The following L2HGDH variants were observed in gnomAD, a reference collection of about 807,000 sequenced individuals.
The protein encoded by L2HGDH is L-2-hydroxyglutarate dehydrogenase.
L2HGDH carries 34 observed loss-of-function variants against 51.5 expected under a neutral mutation model. The observed-to-expected ratio is 0.66, with a 90% CI of 0.50 to 0.88. The LOEUF is 0.88. Among genes scored for constraint, L2HGDH ranks in the 40% least tolerant of loss-of-function variants. L2HGDH has a pLI of 0.00. For synonymous variants in L2HGDH, 198 were observed against 197.9 expected (o/e 1.00, Z -0.01); for missense variants, 558 against 571.9 (o/e 0.98, Z 0.25).
chr14:50,289,822 T>C (rs531686956), intron 4 of L2HGDH, among the ~76,000 whole-genome samples: 51 of 152,308 alleles, frequency 3.3e-4, no homozygotes, highest in Admixed American at 2.5e-3. Flanking sequence ...TCAATGTTAA[T>C]AGCCATTAAA....
rs1335386399 is a variant in L2HGDH at position 50,295,821 on chromosome 14, C to T, written c.409-1575G>A. Reference sequence around the variant, plus strand: ...TGGCAGGATCTCGTCTCACTGCAACCTCTGCGTCCCAGGTTCAAACGATTC... The same window carrying T: ...TGGCAGGATCTCGTCTCACTGCAACTTCTGCGTCCCAGGTTCAAACGATTC... On this transcript the variant is annotated intron_variant, in intron 3 of 9. Transcript: ENST00000267436. Among the ~76,000 whole-genome samples, 6 of 150,992 alleles carry T rather than the reference C, an allele frequency of 4.0e-5. 1 individual carries two copies. The highest frequency in any genetic ancestry group is 3.3e-4 in the Admixed American group (5 of 15,140).
chr14:50,261,920 A>G (rs1374784174), intron 9 of L2HGDH, among the ~76,000 whole-genome samples: 1 of 152,210 alleles, frequency 6.6e-6, no homozygotes, highest in African/African-American at 2.4e-5. Flanking sequence ...GCTCTGGCTA[A>G]GCAATGAGAA....
chr14:50,302,260 A>C, intron 2 of L2HGDH, 92 bp from the exon 3 acceptor site: 1 of 1,315,972 alleles, frequency 7.6e-7, no homozygotes, highest in Non-Finnish European at 1.1e-6. Context: ...AAGCTATTAG[A>C]GACCACATCA....
At position 50,284,155 on chromosome 14, in the gene L2HGDH, C is replaced by T. The variant is rs534058693; in HGVS notation, c.541-122G>A. ...AGTTGATTTTGCCAAGCTTTTCTTG[C>T]TGCTACAATGAGTTTTTCTTTTCCA... On this transcript the variant is annotated intron_variant, in intron 4 of 9. Coordinates refer to ENST00000267436, the MANE Select transcript of L2HGDH (RefSeq NM_024884.3). The T allele has an allele frequency of 1.5e-5, 13 of 842,144 alleles. No individual in the cohort carries two copies. In the East Asian group the frequency reaches 1.9e-4, roughly 12 times the overall value. The allele number at this position is 842,144 out of a possible 1,614,324, so 52.2% of individuals were successfully genotyped here. A position where few individuals can be genotyped will look rare whatever the true frequency, so the allele number is the denominator to read the frequency against.
chr14:50,248,846 T>C (rs7155191), intron 9 of L2HGDH, among the ~76,000 whole-genome samples: 48,657 of 152,006 alleles, frequency 0.32, 8,099 homozygotes, highest in Admixed American at 0.43. Flanking sequence ...AAAAATCAGG[T>C]GAGCAATCAC....
At chr14:50,306,122 C>T (rs1215142429) in intron 1 of L2HGDH, among the ~76,000 whole-genome samples, 1 of 151,202 alleles carries the variant, frequency 6.6e-6, no homozygotes, top group East Asian at 1.9e-4. Flanking sequence ...ATAATCTCGG[C>T]TCACTGCAAC....
At chr14:50,286,040 T>C (rs75473886) in intron 4 of L2HGDH, among the ~76,000 whole-genome samples, 2,399 of 152,274 alleles carry the variant, frequency 0.016, 65 homozygotes, top group African/African-American at 0.055. Flanking sequence ...ACAGGCTGGC[T>C]GTGTCTGTCA....
At chr14:50,268,187 T>C (rs1262886241) in intron 7 of L2HGDH, among the ~76,000 whole-genome samples, 1 of 152,104 alleles carries the variant, frequency 6.6e-6, no homozygotes, top group African/African-American at 2.4e-5. Context: ...AAAACCAGCC[T>C]GGCCAACATG....
At chr14:50,293,689 A>T (rs2029878912) in intron 4 of L2HGDH, among the ~76,000 whole-genome samples, 1 of 152,190 alleles carries the variant, frequency 6.6e-6, no homozygotes, top group African/African-American at 2.4e-5. Flanking sequence ...ATCAGACACT[A>T]CAGCTGCCCT....
rs992996260 is a variant in L2HGDH at position 50,245,108 on chromosome 14, G to C, written c.*1950C>G. The stretch of plus-strand genomic sequence containing the variant: ...TGAGGTGAATGTAAGGCACTTTCGC[G>C]GTTTACAAAAGTGAATGCCTCAAAG... On this transcript the variant is annotated 3_prime_UTR_variant, in exon 10 of 10. Transcript: ENST00000267436. The C allele has an allele frequency of 1.5e-5, 15 of 985,606 alleles. No homozygotes were observed. The highest frequency in any genetic ancestry group is 1.7e-5 in the Non-Finnish European group (14 of 829,874). 61.1% of individuals were successfully genotyped at this position (985,606 alleles called of 1,614,324 possible).
At chr14:50,274,867 A>G (rs1036208696) in intron 6 of L2HGDH, among the ~76,000 whole-genome samples, 3 of 151,846 alleles carry the variant, frequency 2.0e-5, no homozygotes, top group African/African-American at 7.3e-5. Flanking sequence ...AATAAGCCAG[A>G]CAGTGAAAGA....
chr14:50,243,440 G>A lies in L2HGDH; in HGVS notation c.*3618C>T. ...CATAAAAAAATTTATTTGCATAAAA[G>A]TTTTTATGGAACTAAAAAATATGTT... On this transcript the variant is annotated 3_prime_UTR_variant, in exon 10 of 10. Coordinates refer to ENST00000267436, the MANE Select transcript of L2HGDH (RefSeq NM_024884.3). 1.1e-6 allele frequency: 1 copy of A among 912,514 alleles called. No individual in the cohort carries two copies. The highest frequency in any genetic ancestry group is 1.3e-6 in the Non-Finnish European group (1 of 763,972). 56.5% of individuals were successfully genotyped at this position (912,514 alleles called of 1,614,324 possible).
At chr14:50,276,341 T>C (rs1205821974) in intron 6 of L2HGDH, among the ~76,000 whole-genome samples, 2 of 152,220 alleles carry the variant, frequency 1.3e-5, no homozygotes, top group Admixed American at 1.3e-4. Flanking sequence ...TATGGCCACA[T>C]GACTAGTCAC....
chr14:50,247,894 C>CT lies in L2HGDH; in HGVS notation c.1197-642dup, dbSNP rs1006719956. ...AGCAGCATGTTAATAAAATGAGAGTCTTTTTTTTTTTAATTGAGATAGTCT... is the reference window on the plus strand; with the variant it reads ...AGCAGCATGTTAATAAAATGAGAGTCTTTTTTTTTTTTAATTGAGATAGTCT... On this transcript the variant is annotated intron_variant, in intron 9 of 9. Coordinates refer to ENST00000267436, the MANE Select transcript of L2HGDH (RefSeq NM_024884.3). Among the ~76,000 whole-genome samples the CT allele has an allele frequency of 2.6e-3, 378 of 145,372 alleles. 2 individuals are homozygous for CT. Among genetic ancestry groups the CT allele is most frequent in the African/African-American group, 6.9e-3 (276 of 39,756 alleles).
At chr14:50,255,731 T>A (rs540596779) in intron 9 of L2HGDH, among the ~76,000 whole-genome samples, 3 of 152,158 alleles carry the variant, frequency 2.0e-5, no homozygotes, top group Admixed American at 6.6e-5. Context: ...TCTATTTTTT[T>A]AATTTTTATT....
intron 4 of L2HGDH, among the ~76,000 whole-genome samples, chr14:50,288,243 C>T (rs868111382): frequency 1.3e-5 from 2 of 152,060 alleles, no homozygotes; most frequent in Middle Eastern, 3.2e-3. Context: ...AGTCTATTTT[C>T]GGGAAGGACA....
intron 6 of L2HGDH, among the ~76,000 whole-genome samples, chr14:50,271,456 T>C (rs1346692108): frequency 6.6e-6 from 1 of 152,252 alleles, no homozygotes; most frequent in East Asian, 1.9e-4. Flanking sequence ...TTTTATGCTA[T>C]ATGTGAAACA....
intron 6 of L2HGDH, among the ~76,000 whole-genome samples, chr14:50,275,720 C>T (rs113751251): frequency 3.3e-5 from 5 of 152,322 alleles, no homozygotes; most frequent in African/African-American, 1.2e-4. Flanking sequence ...CTCCAGGATG[C>T]TCCATGTGCT....
At chr14:50,306,422 A>G (rs1326433330) in intron 1 of L2HGDH, among the ~76,000 whole-genome samples, 1 of 152,064 alleles carries the variant, frequency 6.6e-6, no homozygotes, top group Non-Finnish European at 1.5e-5. Context: ...GATATCTTTC[A>G]TACTGTTTTT....
Sources: allele counts gnomAD v4.1 joint callset (sites outside exome capture counted in the v4.1 genomes callset), GRCh38; gene constraint gnomAD v4.1.1; transcripts MANE v1.5; gene names NCBI Gene and HGNC (gene_info 2026-07-23, HGNC 2026-07-21).